The following DLGAP4 variants were observed in gnomAD, a reference collection of about 807,000 sequenced individuals.
The protein encoded by DLGAP4 is disks large-associated protein 4.
A neutral mutation model predicts 86.9 loss-of-function variants in DLGAP4; 18 were observed. The observed-to-expected ratio is 0.21, with a 90% CI of 0.14 to 0.31. DLGAP4 has a LOEUF of 0.31. Among genes scored for constraint, DLGAP4 ranks in the 10% least tolerant of loss-of-function variants. The pLI is 1.00. For synonymous variants in DLGAP4, 548 were observed against 574.3 expected (o/e 0.95, Z 0.65); for missense variants, 1,085 against 1,362.6 (o/e 0.80, Z 3.21).
intron 1 of DLGAP4, among the ~76,000 whole-genome samples, chr20:36,348,825 G>T (rs1402530738): frequency 6.6e-6 from 1 of 151,968 alleles, no homozygotes; most frequent in Non-Finnish European, 1.5e-5. Flanking sequence ...ATGGGGCCAG[G>T]CGTGGTGGCT....
intron 1 of DLGAP4, among the ~76,000 whole-genome samples, chr20:36,357,122 C>G (rs1555893896): frequency 6.6e-6 from 1 of 152,178 alleles, no homozygotes; most frequent in African/African-American, 2.4e-5. Flanking sequence ...ACTCCCTGGA[C>G]TGGCACTGCA....
intron 7 of DLGAP4, among the ~76,000 whole-genome samples, chr20:36,483,488 G>A (rs1337006616): frequency 6.6e-6 from 1 of 152,146 alleles, no homozygotes; most frequent in Non-Finnish European, 1.5e-5. Context: ...CCTTTTTTAT[G>A]TGTACTATGA....
intron 2 of DLGAP4, among the ~76,000 whole-genome samples, chr20:36,430,530 C>G (rs1272499743): frequency 6.6e-6 from 1 of 151,868 alleles, no homozygotes; most frequent in African/African-American, 2.4e-5. Flanking sequence ...TTTGGAAGGC[C>G]TCTCTAGGCA....
In DLGAP4 at chr20:36,431,303, G is replaced by GA. The variant is rs145637843; in HGVS notation, c.-72-342dup. On this transcript the variant is annotated intron_variant, in intron 2 of 12. Coordinates refer to ENST00000339266, the MANE Select transcript of DLGAP4 (RefSeq NM_001365621.2). This position sits in a 1 kb window ranked among gnomAD's most constrained non-coding sequence, Gnocchi z 5.1. ...AGGGACAGAGTCAGAAACGGAAAGA[G>GA]AGTGGAGGATGGGCAGCCCCCCACC... Among the ~76,000 whole-genome samples, 1,546 of 152,232 alleles carry GA rather than the reference G, an allele frequency of 0.01. 24 individuals are homozygous for GA. Among genetic ancestry groups the GA allele is most frequent in the African/African-American group, 0.035 (1,467 of 41,532 alleles).
chr20:36,442,577 C>A, intron 5 of DLGAP4, 150 bp from the exon 6 acceptor site: 2 of 788,928 alleles, frequency 2.5e-6, no homozygotes, highest in Admixed American at 2.3e-5. Context: ...CTGGAAGAAG[C>A]CAAGTGAGAC....
chr20:36,486,846 A>T (rs1357055767), intron 7 of DLGAP4, among the ~76,000 whole-genome samples: 1 of 151,778 alleles, frequency 6.6e-6, no homozygotes. Flanking sequence ...TCCTGACCTC[A>T]GGTGATCCGC....
At chr20:36,406,907 A>T (rs1189280151) in intron 2 of DLGAP4, among the ~76,000 whole-genome samples, 2 of 152,082 alleles carry the variant, frequency 1.3e-5, no homozygotes, top group African/African-American at 2.4e-5. Context: ...CAGATGATGT[A>T]GTGAGTTAGG....
intron 10 of DLGAP4, among the ~76,000 whole-genome samples, chr20:36,505,002 T>G (rs2036299011): frequency 6.6e-6 from 1 of 152,022 alleles, no homozygotes. Flanking sequence ...TTTTTTTTTT[T>G]TTTGAGACGG....
Position 36,500,009 on chromosome 20 carries a change from G to C in DLGAP4, c.2100-190G>C, listed in dbSNP as rs540094340. 1.3e-5 allele frequency among the ~76,000 whole-genome samples: 2 copies of C among 152,220 alleles called. No individual in the cohort carries two copies. The highest frequency in any genetic ancestry group is 4.8e-5 in the African/African-American group (2 of 41,454). ...CTCGTGTGTGTGTGCGTGTGGGCTT[G>C]GGCGGGATGGGGCAAGGGCTGAGCC... On this transcript the variant is annotated intron_variant, in intron 9 of 12. Coordinates refer to ENST00000339266, the MANE Select transcript of DLGAP4 (RefSeq NM_001365621.2). This position sits in a 1 kb window ranked among gnomAD's most constrained non-coding sequence, Gnocchi z 4.6.
intron 8 of DLGAP4, 48 bp from the exon 9 acceptor site, chr20:36,499,534 TTTTTTA>T (rs1202329472): frequency 1.8e-5 from 28 of 1,564,238 alleles, no homozygotes; most frequent in Non-Finnish European, 2.4e-5. Context: ...GTGGTGTTTG[TTTTTTA>T]TTTTTGTCTT....
chr20:36,497,342 C>T, intron 8 of DLGAP4: 8 of 1,310,944 alleles, frequency 6.1e-6, no homozygotes, highest in Non-Finnish European at 6.8e-6. Context: ...CCAGCCATCT[C>T]CTGTCCACTG....
intron 10 of DLGAP4, among the ~76,000 whole-genome samples, chr20:36,513,554 C>CA (rs562398294): frequency 0.077 from 3,069 of 39,604 alleles, 181 homozygotes; most frequent in African/African-American, 0.13. Flanking sequence ...GACTCCGTCT[C>CA]AAAAAAAAAA....
At chr20:36,525,254 A>AAAAAAAAAAAAAAAAAAAAAAAAAC (rs1569527332) in intron 11 of DLGAP4, among the ~76,000 whole-genome samples, 5 of 62,464 alleles carry the variant, frequency 8.0e-5, no homozygotes, top group African/African-American at 1.9e-4. Context: ...AAAAAAAAAA[A>AAAAAAAAAAAAAAAAAAAAAAAAAC]CAAAGAAATC....
chr20:36,317,308 C>CTTTCTTTCTTT (rs1600393315), intron 1 of DLGAP4, among the ~76,000 whole-genome samples: 6 of 24,054 alleles, frequency 2.5e-4, no homozygotes, highest in African/African-American at 8.4e-4. Flanking sequence ...TTTCTTTCTT[C>CTTTCTTTCTTT]CTTCCTTCCT....
At chr20:36,444,381 T>G (rs2033534824) in intron 6 of DLGAP4, among the ~76,000 whole-genome samples, 1 of 152,076 alleles carries the variant, frequency 6.6e-6, no homozygotes, top group Admixed American at 6.6e-5. Context: ...CCTCCCAGGC[T>G]CAGGTGATCC....
intron 7 of DLGAP4, among the ~76,000 whole-genome samples, chr20:36,479,059 T>G (rs753106183): frequency 6.6e-6 from 1 of 152,100 alleles, no homozygotes; most frequent in Non-Finnish European, 1.5e-5. Context: ...ATGGACAGGA[T>G]GGGGTGGTTG....
In DLGAP4 at chr20:36,526,877, G is replaced by A. The variant is rs757785334; in HGVS notation, c.2825G>A (p.Arg942His). 1.2e-5 allele frequency: 20 copies of A among 1,612,494 alleles called. No homozygotes were observed. The East Asian group carries it at 2.2e-4, about 18-fold the overall frequency. The change falls in exon 13 of 13, where the codon CGC (arginine) becomes CAC (histidine). Residue 942 changes from arginine to histidine, a missense_variant. By Grantham distance (29) the Arg-to-His change is conservative. This residue lies in a region of DLGAP4 where 1,082 missense variants were observed against 1,344.1 expected (regional missense o/e 0.81). Transcript: ENST00000339266. ...GCCAAATCCAAGCCGGCAGTGAGCC[G>A]CGACAAGGCCTCAGACGCCAGCGAC... ...KPAKSKPAVS[R>H]DKASDASDKQ... is the part of the protein sequence containing the mutation.
At chr20:36,316,505 G>A (rs1214234625) in intron 1 of DLGAP4, among the ~76,000 whole-genome samples, 2 of 152,084 alleles carry the variant, frequency 1.3e-5, no homozygotes, top group East Asian at 3.9e-4. Flanking sequence ...CCCCTTTCCA[G>A]GAACCCTGCC....
chr20:36,496,825 T>G lies in DLGAP4; in HGVS notation c.1769T>G (p.Leu590Arg), dbSNP rs751945747. The G allele has an allele frequency of 1.2e-6, 2 of 1,614,062 alleles. No individual in the cohort carries two copies. The highest frequency in any genetic ancestry group is 1.7e-6 in the Non-Finnish European group (2 of 1,180,024). The change falls in exon 8 of 13, where the codon CTG (leucine) becomes CGG (arginine). Residue 590 changes from leucine (L) to arginine (R), a missense_variant. Around this residue, in one of 2 missense-constraint regions of DLGAP4, gnomAD observed 1,082 missense variants for 1,344.1 expected, o/e 0.81. Transcript: ENST00000339266. Reference protein sequence around the residue: ...SSTESAQDTYLDSQDHKSEVT... With the variant: ...SSTESAQDTYRDSQDHKSEVT... ...ACTGAGTCTGCCCAGGACACCTACC[T>G]GGACAGCCAGGACCACAAGAGCGAG...
Sources: allele counts gnomAD v4.1 joint callset (sites outside exome capture counted in the v4.1 genomes callset), GRCh38; gene constraint gnomAD v4.1.1; regional missense constraint gnomAD v4.1.1; non-coding constraint Gnocchi (gnomAD v3.1); transcripts MANE v1.5; gene names NCBI Gene and HGNC (gene_info 2026-07-23, HGNC 2026-07-21).